The following AGBL4 variants were observed in gnomAD, a reference collection of about 807,000 sequenced individuals.
AGBL4 encodes the protein cytosolic carboxypeptidase 6.
In AGBL4, 58 loss-of-function variants were observed where a neutral mutation model predicts 66.4. That is an observed-to-expected ratio of 0.87 (90% confidence interval 0.71 to 1.09). The LOEUF (loss-of-function observed/expected upper bound fraction) is 1.09. AGBL4 is among the 50% of genes least tolerant of loss of function. The pLI, the probability that AGBL4 is intolerant of heterozygous loss-of-function variation, is 0.00. For missense variants in AGBL4, 579 were observed against 631.0 expected, an observed-to-expected ratio of 0.92 and a Z score of 0.88; for synonymous variants, 234 against 222.9, an observed-to-expected ratio of 1.05 and a Z score of -0.44.
intron 2 of AGBL4, among the ~76,000 whole-genome samples, chr1:49,751,031 A>G (rs1651415774): frequency 6.6e-6 from 1 of 152,220 alleles, no homozygotes; most frequent in East Asian, 1.9e-4. Context: ...TGTCATCTGC[A>G]AACAGAGATA....
chr1:49,083,160 G>C (rs1193259189), intron 4 of AGBL4, among the ~76,000 whole-genome samples: 2 of 152,162 alleles, frequency 1.3e-5, no homozygotes, highest in Admixed American at 1.3e-4. Context: ...TTTTCCAGGA[G>C]CATAGTGCAA....
At chr1:49,937,151 C>G (rs896898986) in intron 1 of AGBL4, among the ~76,000 whole-genome samples, 38 of 151,864 alleles carry the variant, frequency 2.5e-4, no homozygotes, top group Non-Finnish European at 5.1e-4. Flanking sequence ...GAAGATCTAC[C>G]AAGCAAATGG....
chr1:48,867,908 A>C (rs1648269806), intron 5 of AGBL4, among the ~76,000 whole-genome samples: 1 of 152,198 alleles, frequency 6.6e-6, no homozygotes, highest in South Asian at 2.1e-4. Flanking sequence ...TGGATACCCC[A>C]AAGCCTGAGG....
intron 3 of AGBL4, among the ~76,000 whole-genome samples, chr1:49,653,685 A>G (rs904948264): frequency 2.8e-4 from 43 of 151,698 alleles, no homozygotes; most frequent in African/African-American, 1.0e-3. Context: ...AAACACAAGT[A>G]TCAACAGCCA....
chr1:48,719,305 TC>T (rs891654315), intron 6 of AGBL4, among the ~76,000 whole-genome samples: 1 of 152,136 alleles, frequency 6.6e-6, no homozygotes, highest in Non-Finnish European at 1.5e-5. Flanking sequence ...CCCTGGGCAC[TC>T]CCCATCTGCA....
At chr1:49,213,683 T>C (rs1027813212) in intron 4 of AGBL4, among the ~76,000 whole-genome samples, 1 of 152,154 alleles carries the variant, frequency 6.6e-6, no homozygotes, top group Non-Finnish European at 1.5e-5. Context: ...CAGATATTTC[T>C]TTATAACAAT....
chr1:49,503,284 C>G (rs75597592), intron 3 of AGBL4, among the ~76,000 whole-genome samples: 98 of 152,236 alleles, frequency 6.4e-4, no homozygotes, highest in African/African-American at 2.2e-3. Context: ...GGAACCTTCA[C>G]CTAGATTTCA....
intron 5 of AGBL4, among the ~76,000 whole-genome samples, chr1:48,971,741 C>T (rs1279468249): frequency 3.3e-5 from 5 of 152,246 alleles, no homozygotes; most frequent in African/African-American, 1.2e-4. Context: ...AAAAGATGTA[C>T]ACATTATCAA....
chr1:49,567,606 T>C (rs1309113244), intron 3 of AGBL4, among the ~76,000 whole-genome samples: 1 of 152,244 alleles, frequency 6.6e-6, no homozygotes, highest in African/African-American at 2.4e-5. Flanking sequence ...CCTGGGTACA[T>C]GTGCAGGTTT....
In AGBL4 at chr1:49,939,716, A is replaced by C. The variant is rs1394016128; in HGVS notation, c.34+84047T>G. On this transcript the variant is annotated intron_variant, in intron 1 of 13. Transcript: ENST00000371839. Reference sequence around the variant, plus strand: ...CAAAAATTAATTCAAGATGGATTAGACTTAAACGTTAGACCTAAAACCATG... The same window carrying C: ...CAAAAATTAATTCAAGATGGATTAGCCTTAAACGTTAGACCTAAAACCATG... Among the ~76,000 whole-genome samples the C allele has an allele frequency of 2.6e-5, 4 of 152,364 alleles. No individual in the cohort carries two copies. In the East Asian group the frequency reaches 7.7e-4, roughly 29 times the overall value.
At chr1:48,672,972 G>C (rs1329186213) in intron 6 of AGBL4, among the ~76,000 whole-genome samples, 2 of 35,054 alleles carry the variant, frequency 5.7e-5, no homozygotes, top group African/African-American at 1.3e-4. Flanking sequence ...CAGGCCCTTT[G>C]AAATTTGTAT....
rs562521028 is a variant in AGBL4, at chr1:49,489,456, T to A, written c.282+207857A>T. 7.0e-4 allele frequency among the ~76,000 whole-genome samples: 106 copies of A among 152,098 alleles called. 2 individuals carry two copies. The highest frequency in any genetic ancestry group is 2.4e-3 in the Admixed American group (36 of 15,250). ...TTAATCCCCTGTCAGATGAATAGTT[T>A]GCACATATTTTCTCCCATTCTGTGG... On this transcript the variant is annotated intron_variant, in intron 3 of 13. Transcript: ENST00000371839.
chr1:49,598,975 T>C (rs1644903249), intron 3 of AGBL4, among the ~76,000 whole-genome samples: 1 of 152,210 alleles, frequency 6.6e-6, no homozygotes. Context: ...TAGATAAGCC[T>C]TTGGATGTGC....
intron 1 of AGBL4, among the ~76,000 whole-genome samples, chr1:50,002,797 A>G (rs1660862379): frequency 6.6e-6 from 1 of 152,130 alleles, no homozygotes; most frequent in Non-Finnish European, 1.5e-5. Context: ...TTTTATTACT[A>G]GGATATGCAT....
intron 6 of AGBL4, among the ~76,000 whole-genome samples, chr1:48,852,213 A>C (rs533729885): frequency 6.6e-6 from 1 of 152,166 alleles, no homozygotes; most frequent in Non-Finnish European, 1.5e-5. Flanking sequence ...ACTGATCTCA[A>C]AGTTTCCACT....
chr1:49,504,221 CCTT>C (rs1480692329), intron 3 of AGBL4, among the ~76,000 whole-genome samples: 2 of 151,998 alleles, frequency 1.3e-5, no homozygotes, highest in African/African-American at 2.4e-5. Context: ...GTAGAAGGAG[CCTT>C]CTTCTTCGCC....
chr1:48,926,042 G>T (rs920665184), intron 5 of AGBL4, among the ~76,000 whole-genome samples: 1 of 152,180 alleles, frequency 6.6e-6, no homozygotes, highest in East Asian at 1.9e-4. Context: ...GACAGCAAAT[G>T]TGGGCACCTT....
chr1:49,779,897 G>A (rs996195697), intron 2 of AGBL4, among the ~76,000 whole-genome samples: 1 of 151,168 alleles, frequency 6.6e-6, no homozygotes, highest in Non-Finnish European at 1.5e-5. Flanking sequence ...TAGGCAAAAC[G>A]TTGAAAGAAA....
chr1:49,843,091 G>A (rs1646041900), intron 2 of AGBL4, among the ~76,000 whole-genome samples: 1 of 152,116 alleles, frequency 6.6e-6, no homozygotes, highest in South Asian at 2.1e-4. Flanking sequence ...CCAGAGTCCA[G>A]GAGGAATGGC....
Sources: gnomAD v4.1 joint callset for allele counts (sites outside exome capture counted in the v4.1 genomes callset) on GRCh38, gnomAD v4.1.1 for gene constraint, MANE v1.5 for transcripts, NCBI Gene and HGNC (gene_info 2026-07-23, HGNC 2026-07-21) for gene names.